IGLL5: variants seen among roughly 807,000 people sequenced by gnomAD.
The protein encoded by IGLL5 is immunoglobulin lambda-like polypeptide 5.
A neutral mutation model predicts 20.9 loss-of-function variants in IGLL5; 30 were observed. The observed-to-expected ratio is 1.44, with a 90% confidence interval of 1.07 to 1.95. The LOEUF is 1.95. Ranked by LOEUF, IGLL5 falls within the 30% of genes most tolerant of loss-of-function variation. The pLI, the probability that IGLL5 is intolerant of heterozygous loss-of-function variation, is 0.00. For synonymous variants in IGLL5, 203 were observed against 117.3 expected (o/e 1.73, Z -4.72); for missense variants, 475 against 270.7 (o/e 1.75, Z -5.30).
At chr22:22,888,699 C>T (rs186568750) in intron 1 of IGLL5, among the ~76,000 whole-genome samples, 10 of 151,262 alleles carry the variant, frequency 6.6e-5, no homozygotes, top group Admixed American at 2.0e-4. Context: ...GAGAAGGCAG[C>T]AAGGGCTTGG....
At position 22,888,562 on chromosome 22, in the gene IGLL5, G is replaced by A. The variant is rs1601602142; in HGVS notation, c.206+303G>A. On this transcript the variant is annotated intron_variant, in intron 1 of 2. Transcript: ENST00000526893. ...TAGTCCTCTGGGTAGGGAAGGAACA[G>A]AGGCAGGGACAGGACATCCACAGGG... Among the ~76,000 whole-genome samples the A allele has an allele frequency of 2.0e-5, 3 of 151,414 alleles. 1 individual carries two copies. The highest frequency in any genetic ancestry group is 2.0e-4 in the East Asian group (1 of 4,928).
rs531175408 is a variant in IGLL5 at position 22,888,176 on chromosome 22, A to G, written c.123A>G (p.Pro41=). The change falls in exon 1 of 3, where the codon CCA becomes CCG. Residue 41 remains proline, a synonymous_variant. Coordinates refer to ENST00000526893, the MANE Select transcript of IGLL5 (RefSeq NM_001178126.2). ...TGGTCGCCCATGGCCTGCTGCGCCC[A>G]ATGGTTGCACCGCAAAGCGGGGACC... The part of the protein sequence containing the change: ...LAMVAHGLLR[P]MVAPQSGDPD... 4.5e-6 allele frequency: 7 copies of G among 1,548,968 alleles called. No homozygotes were observed. The highest frequency in any genetic ancestry group is 3.5e-4 in the Middle Eastern group (2 of 5,790).
At chr22:22,894,266 T>C (rs1430482069) in intron 2 of IGLL5, among the ~76,000 whole-genome samples, 6 of 150,368 alleles carry the variant, frequency 4.0e-5, no homozygotes, top group East Asian at 2.1e-4. Context: ...GAGGACTGGA[T>C]GCCAATCCAG....
At chr22:22,888,296 T>G (rs773151514) in intron 1 of IGLL5, 37 bp downstream of exon 1, 1 of 1,536,490 alleles carries the variant, frequency 6.5e-7, no homozygotes, top group Non-Finnish European at 8.8e-7. Flanking sequence ...GTGGGGGTCC[T>G]GCAGCAGAGC....
At chr22:22,894,886 T>C in intron 2 of IGLL5, among the ~76,000 whole-genome samples, 1 of 151,106 alleles carries the variant, frequency 6.6e-6, no homozygotes, top group East Asian at 2.0e-4. Flanking sequence ...GATAGGAAGC[T>C]CCAGTTCAAA....
chr22:22,889,100 T>G (rs2067685900), intron 1 of IGLL5, among the ~76,000 whole-genome samples: 1 of 151,216 alleles, frequency 6.6e-6, no homozygotes, highest in African/African-American at 2.4e-5. Flanking sequence ...GAGTCAGATT[T>G]GTGTTTTTGG....
intron 2 of IGLL5, among the ~76,000 whole-genome samples, chr22:22,894,197 G>C (rs2067996595): frequency 2.0e-5 from 3 of 151,484 alleles, no homozygotes; most frequent in South Asian, 2.1e-4. Flanking sequence ...GTGGGCCTGG[G>C]AGCTGCTGAG....
At chr22:22,888,719 C>T (rs562115909) in intron 1 of IGLL5, among the ~76,000 whole-genome samples, 2 of 151,328 alleles carry the variant, frequency 1.3e-5, no homozygotes, top group South Asian at 4.2e-4. Context: ...GTTTGGTCTC[C>T]CCCAAGGCTG....
intron 1 of IGLL5, among the ~76,000 whole-genome samples, chr22:22,889,055 G>T (rs74993874): frequency 1.3e-5 from 2 of 151,410 alleles, no homozygotes; most frequent in South Asian, 4.2e-4. Context: ...AGTCCAGGAC[G>T]AGTCCTTGGA....
At chr22:22,889,098 T>G (rs145130612) in intron 1 of IGLL5, among the ~76,000 whole-genome samples, 3 of 151,098 alleles carry the variant, frequency 2.0e-5, no homozygotes, top group Admixed American at 1.3e-4. Context: ...CAGAGTCAGA[T>G]TTGTGTTTTT....
chr22:22,888,278 C>A lies in IGLL5; in HGVS notation c.206+19C>A, dbSNP rs531811391. The A allele has an allele frequency of 1.9e-6, 3 of 1,545,132 alleles. No homozygotes were observed. The highest frequency in any genetic ancestry group is 2.0e-5 in the Admixed American group (1 of 50,698). On this transcript the variant is annotated intron_variant, in intron 1 of 2. Coordinates refer to ENST00000526893, the MANE Select transcript of IGLL5 (RefSeq NM_001178126.2). The stretch of plus-strand genomic sequence containing the variant: ...GGGGCAGGTAAGGGGCAAGAGATTC[C>A]AGGGGATGTGGGGGTCCTGCAGCAG...
At chr22:22,894,013 CGG>C (rs1469684168) in intron 2 of IGLL5, among the ~76,000 whole-genome samples, 195 bp downstream of exon 2, 1 of 151,462 alleles carries the variant, frequency 6.6e-6, no homozygotes. Flanking sequence ...TGGGAGCAGC[CGG>C]ATGCAGCCTG....
At chr22:22,889,608 G>A (rs1601609249) in intron 1 of IGLL5, among the ~76,000 whole-genome samples, 1 of 151,248 alleles carries the variant, frequency 6.6e-6, no homozygotes, top group East Asian at 2.0e-4. Flanking sequence ...TTTTTGTTTT[G>A]AAACAGTCTT....
At chr22:22,889,194 T>A (rs1601606844) in intron 1 of IGLL5, among the ~76,000 whole-genome samples, 2 of 150,690 alleles carry the variant, frequency 1.3e-5, no homozygotes, top group Admixed American at 6.7e-5. Flanking sequence ...CCAGGGTAGG[T>A]GGGGATCCTG....
chr22:22,891,549 C>G (rs2146016082), intron 1 of IGLL5, among the ~76,000 whole-genome samples: 1 of 151,152 alleles, frequency 6.6e-6, no homozygotes, highest in South Asian at 2.1e-4. Flanking sequence ...AGAATTGGTT[C>G]TCTAATTTTC....
chr22:22,895,375 G>T lies in IGLL5; in HGVS notation c.326G>T (p.Gly109Val). 1 of 1,612,646 alleles carries T rather than the reference G, an allele frequency of 6.2e-7. No individual in the cohort carries two copies. The highest frequency in any genetic ancestry group is 8.5e-7 in the Non-Finnish European group (1 of 1,179,436). The change falls in exon 3 of 3, where the codon GGT (glycine) becomes GTT (valine). Residue 109 changes from glycine (G) to valine (V), a missense_variant and splice_region_variant. Gly to Val is a moderately radical substitution (Grantham distance 109). Transcript: ENST00000526893. ...FGTGTKVTVL[G>V]QPKANPTVTL... The stretch of plus-strand genomic sequence containing the variant: ...CTCACCCCCTTCCCTGTCCACACAG[G>T]TCAGCCCAAGGCCAACCCCACTGTC...
chr22:22,888,338 G>C, intron 1 of IGLL5, 79 bp downstream of exon 1: 3 of 1,331,014 alleles, frequency 2.3e-6, no homozygotes, highest in South Asian at 1.3e-5. Flanking sequence ...AGACAAGCCA[G>C]AGGAGTGAGG....
In IGLL5 at chr22:22,895,520, C is replaced by G. The variant is rs1311207052; in HGVS notation, c.471C>G (p.Val157=). Residue 157 remains valine (V), a synonymous_variant, in exon 3 of 3, where the codon GTC becomes GTG. Coordinates refer to ENST00000526893, the MANE Select transcript of IGLL5 (RefSeq NM_001178126.2). ...CCTGGAAGGCAGATGGCAGCCCCGT[C>G]AAGGCGGGAGTGGAGACCACCAAAC... ...TVAWKADGSP[V]KAGVETTKPS... is the part of the protein sequence containing the mutation. 10 of 1,612,772 alleles carry G rather than the reference C, an allele frequency of 6.2e-6. No individual in the cohort carries two copies. Among genetic ancestry groups the G allele is most frequent in the Non-Finnish European group, 8.5e-6 (10 of 1,179,642 alleles).
intron 1 of IGLL5, among the ~76,000 whole-genome samples, chr22:22,889,105 T>A (rs527437510): frequency 2.6e-5 from 4 of 151,174 alleles, no homozygotes; most frequent in Admixed American, 6.6e-5. Flanking sequence ...AGATTTGTGT[T>A]TTTGGAAAAA....
Sources: allele counts gnomAD v4.1 joint callset (sites outside exome capture counted in the v4.1 genomes callset), GRCh38; gene constraint gnomAD v4.1.1; transcripts MANE v1.5; gene names NCBI Gene and HGNC (gene_info 2026-07-23, HGNC 2026-07-21).